HSF2BP: variants seen among roughly 807,000 people sequenced by gnomAD.
HSF2BP encodes heat shock transcription factor 2 binding protein.
In HSF2BP, 35 loss-of-function variants were observed where a neutral mutation model predicts 35.0. The observed-to-expected ratio is 1.00, with a 90% confidence interval of 0.76 to 1.32. The LOEUF is 1.32. Ranked by LOEUF, HSF2BP falls within the 40% of genes most tolerant of loss-of-function variation. The pLI, the probability that HSF2BP is intolerant of heterozygous loss-of-function variation, is 0.00. For missense variants in HSF2BP, 326 were observed against 321.7 expected (o/e 1.01, Z -0.10); for synonymous variants, 114 against 117.4 (o/e 0.97, Z 0.18).
At chr21:43,637,468 C>T (rs1250612891) in intron 4 of HSF2BP, among the ~76,000 whole-genome samples, 1 of 147,494 alleles carries the variant, frequency 6.8e-6, no homozygotes, top group Non-Finnish European at 1.5e-5. Context: ...GGACAAAATC[C>T]AACACTCAGT....
At position 43,608,184 on chromosome 21, in the gene HSF2BP, G is replaced by A. The variant is rs1380740678; in HGVS notation, c.692+5646C>T. 2.6e-5 allele frequency among the ~76,000 whole-genome samples: 4 copies of A among 151,894 alleles called. 1 individual carries two copies. The highest frequency in any genetic ancestry group is 4.8e-5 in the African/African-American group (2 of 41,346). On this transcript the variant is annotated intron_variant, in intron 7 of 8. Coordinates refer to ENST00000291560, the MANE Select transcript of HSF2BP (RefSeq NM_007031.2). ...ACCTACAGAATGGGAGAAAATATTC[G>A]CAAACTATGGATCCAACAAAAGTCT...
At position 43,653,179 on chromosome 21, in the gene HSF2BP, G is replaced by A. The variant is rs546126705; in HGVS notation, c.187+3408C>T. 5.4e-4 allele frequency among the ~76,000 whole-genome samples: 71 copies of A among 131,088 alleles called. 1 individual carries two copies. Among genetic ancestry groups the A allele is most frequent in the African/African-American group, 1.6e-3 (58 of 35,184 alleles). The allele number at this position is 131,088 out of a possible 152,430, so 86.0% of individuals were successfully genotyped here. ...AGAGACACAGAGAGAGAGAGAGAGA[G>A]AAAAGGGAAAGGAAGGGAAGGGGAA... On this transcript the variant is annotated intron_variant, in intron 3 of 8. Coordinates refer to ENST00000291560, the MANE Select transcript of HSF2BP (RefSeq NM_007031.2).
chr21:43,652,733 A>ATC (rs2082806392), intron 3 of HSF2BP, among the ~76,000 whole-genome samples: 1 of 152,216 alleles, frequency 6.6e-6, no homozygotes, highest in South Asian at 2.1e-4. Flanking sequence ...TTAGGAGGCC[A>ATC]CAGTAAACCT....
chr21:43,572,860 C>G (rs1377376972), intron 8 of HSF2BP, among the ~76,000 whole-genome samples: 1 of 152,192 alleles, frequency 6.6e-6, no homozygotes, highest in Non-Finnish European at 1.5e-5. Flanking sequence ...GACTTTTCTT[C>G]TCTATGCTAT....
At chr21:43,574,514 C>T (rs1437206558) in intron 8 of HSF2BP, among the ~76,000 whole-genome samples, 3 of 152,124 alleles carry the variant, frequency 2.0e-5, no homozygotes, top group East Asian at 1.9e-4. Context: ...CCCGCCACCA[C>T]GCCTAGCTAA....
the HSF2BP span, among the ~76,000 whole-genome samples, chr21:43,467,920 CA>C: frequency 8.5e-6 from 1 of 117,900 alleles, no homozygotes; most frequent in African/African-American, 3.5e-5. Flanking sequence ...ACACACCACA[CA>C]CACCACACAC....
intron 7 of HSF2BP, among the ~76,000 whole-genome samples, chr21:43,611,766 G>A (rs929761932): frequency 3.9e-5 from 6 of 152,182 alleles, no homozygotes; most frequent in African/African-American, 9.7e-5. Flanking sequence ...AACTCCTGCC[G>A]CAGGGCGGGA....
intron 5 of HSF2BP, among the ~76,000 whole-genome samples, chr21:43,631,963 T>TC (rs60998147): frequency 6.7e-5 from 6 of 89,936 alleles, no homozygotes; most frequent in African/African-American, 9.1e-5. Flanking sequence ...GCACACACAC[T>TC]CCCCCCCCAC....
chr21:43,657,930 G>T, intron 2 of HSF2BP, 131 bp downstream of exon 2: 2 of 1,493,522 alleles, frequency 1.3e-6, no homozygotes, highest in African/African-American at 1.4e-5. Flanking sequence ...ACGCCGTTAG[G>T]GGAGGAAGTC....
intron 6 of HSF2BP, among the ~76,000 whole-genome samples, chr21:43,616,161 A>G (rs2082268264): frequency 6.6e-6 from 1 of 152,064 alleles, no homozygotes; most frequent in African/African-American, 2.4e-5. Flanking sequence ...TTGAGTAGTC[A>G]CCTACACTGC....
At chr21:43,600,611 C>CT (rs1402887579) in intron 7 of HSF2BP, among the ~76,000 whole-genome samples, 1 of 152,198 alleles carries the variant, frequency 6.6e-6, no homozygotes, top group Non-Finnish European at 1.5e-5. Context: ...TTCTGTGCCT[C>CT]TTTCCTCAGT....
chr21:43,642,420 C>A (rs1208002175), intron 4 of HSF2BP, among the ~76,000 whole-genome samples: 1 of 152,132 alleles, frequency 6.6e-6, no homozygotes, highest in Non-Finnish European at 1.5e-5. Flanking sequence ...TCCGTACAGG[C>A]CTCAACAGAG....
chr21:43,655,518 G>C (rs543009116), intron 3 of HSF2BP, among the ~76,000 whole-genome samples: 2 of 152,320 alleles, frequency 1.3e-5, no homozygotes, highest in Admixed American at 6.5e-5. Context: ...CAAGAGCTAG[G>C]ACTACGGAAG....
intron 4 of HSF2BP, among the ~76,000 whole-genome samples, chr21:43,637,293 C>G (rs991304280): frequency 1.3e-5 from 2 of 152,024 alleles, no homozygotes; most frequent in African/African-American, 4.8e-5. Context: ...TTATGCCAGA[C>G]ACAGAAGACT....
chr21:43,611,717 G>A (rs1299447525), intron 7 of HSF2BP, among the ~76,000 whole-genome samples: 1 of 152,202 alleles, frequency 6.6e-6, no homozygotes, highest in Non-Finnish European at 1.5e-5. Flanking sequence ...TGGGGGAAAG[G>A]AATTTTTTCC....
intron 8 of HSF2BP, among the ~76,000 whole-genome samples, chr21:43,577,235 T>C (rs896265288): frequency 6.6e-6 from 1 of 152,230 alleles, no homozygotes; most frequent in Non-Finnish European, 1.5e-5. Context: ...GATATGTTTT[T>C]AAGAAAATGA....
At chr21:43,604,804 C>T (rs911869487) in intron 7 of HSF2BP, among the ~76,000 whole-genome samples, 7 of 147,904 alleles carry the variant, frequency 4.7e-5, no homozygotes, top group Non-Finnish European at 1.0e-4. Context: ...CACTACACGC[C>T]ACACACACCA....
At position 43,575,437 on chromosome 21, in the gene HSF2BP, C is replaced by T. The variant is rs945609174; in HGVS notation, c.796+16788G>A. The stretch of plus-strand genomic sequence containing the variant: ...AGAAGACACTGTAGCTCTTCAATTG[C>T]AAGAAGTGGGGAGCTGATACCTAAC... On this transcript the variant is annotated intron_variant, in intron 8 of 8. Coordinates refer to ENST00000291560, the MANE Select transcript of HSF2BP (RefSeq NM_007031.2). Among the ~76,000 whole-genome samples the T allele has an allele frequency of 2.0e-5, 3 of 152,218 alleles. No individual in the cohort carries two copies. In the South Asian group the frequency reaches 6.2e-4, roughly 32 times the overall value.
intron 7 of HSF2BP, among the ~76,000 whole-genome samples, chr21:43,599,419 GTAAA>G (rs755878221): frequency 1.3e-5 from 2 of 152,194 alleles, no homozygotes; most frequent in Non-Finnish European, 2.9e-5. Flanking sequence ...AAAAATATTT[GTAAA>G]TAGTGTATCA....
Sources: allele counts gnomAD v4.1 joint callset (sites outside exome capture counted in the v4.1 genomes callset), GRCh38; gene constraint gnomAD v4.1.1; transcripts MANE v1.5; gene names NCBI Gene and HGNC (gene_info 2026-07-23, HGNC 2026-07-21).